INPP4B: variants seen among roughly 807,000 people sequenced by gnomAD.
The protein encoded by INPP4B is inositol polyphosphate-4-phosphatase type II B.
In INPP4B, 55 loss-of-function variants were observed where a neutral mutation model predicts 122.5. The observed-to-expected ratio is 0.45, with a 90% CI of 0.36 to 0.56. INPP4B has a LOEUF of 0.56. Among genes scored for constraint, INPP4B ranks in the 20% least tolerant of loss-of-function variants. The pLI, the probability that INPP4B is intolerant of heterozygous loss-of-function variation, is 0.00. For missense variants in INPP4B, 1,000 were observed against 1,097.7 expected (o/e 0.91, Z 1.26); for synonymous variants, 403 against 388.7 (o/e 1.04, Z -0.43).
At chr4:142,062,727 C>T (rs1478999423) in intron 25 of INPP4B, among the ~76,000 whole-genome samples, 2 of 149,174 alleles carry the variant, frequency 1.3e-5, no homozygotes, top group Non-Finnish European at 3.0e-5. Flanking sequence ...CACAGCAAGA[C>T]TCCGTCCCCC....
chr4:142,291,353 G>A (rs1297084298), intron 9 of INPP4B, among the ~76,000 whole-genome samples: 1 of 152,156 alleles, frequency 6.6e-6, no homozygotes, highest in Non-Finnish European at 1.5e-5. Context: ...CTGAAGTGAT[G>A]TGTCTAACTA....
At chr4:142,065,228 G>A (rs879337603) in intron 25 of INPP4B, among the ~76,000 whole-genome samples, 5 of 84,522 alleles carry the variant, frequency 5.9e-5, no homozygotes, top group Non-Finnish European at 9.7e-5. Flanking sequence ...AGTTAAGAAT[G>A]AGGCCAACAC....
intron 2 of INPP4B, among the ~76,000 whole-genome samples, chr4:142,484,899 C>T (rs967832354): frequency 6.6e-6 from 1 of 151,940 alleles, no homozygotes; most frequent in Non-Finnish European, 1.5e-5. Context: ...AAATAGGGGT[C>T]CTGTATTTCG....
intron 2 of INPP4B, among the ~76,000 whole-genome samples, chr4:142,542,115 A>G (rs1471276101): frequency 6.6e-6 from 1 of 152,200 alleles, no homozygotes; most frequent in African/African-American, 2.4e-5. Flanking sequence ...TCCCATGACC[A>G]TGGCTGTCCC....
intron 1 of INPP4B, among the ~76,000 whole-genome samples, chr4:142,748,761 A>G (rs1769178540): frequency 6.6e-6 from 1 of 152,184 alleles, no homozygotes; most frequent in South Asian, 2.1e-4. Flanking sequence ...GAAGGCAGAA[A>G]GAGGAAAAAC....
At chr4:142,821,705 A>G (rs1292438624) in intron 1 of INPP4B, among the ~76,000 whole-genome samples, 1 of 152,178 alleles carries the variant, frequency 6.6e-6, no homozygotes. Flanking sequence ...TTAAACATAA[A>G]TTGAATATAA....
chr4:142,591,655 T>A (rs1039810130), intron 2 of INPP4B, among the ~76,000 whole-genome samples: 3 of 151,734 alleles, frequency 2.0e-5, no homozygotes, highest in African/African-American at 7.3e-5. Context: ...ACATGGGAGG[T>A]CCTGACAAAC....
chr4:142,290,690 T>G (rs997501534), intron 9 of INPP4B, among the ~76,000 whole-genome samples: 6 of 152,182 alleles, frequency 3.9e-5, no homozygotes, highest in Non-Finnish European at 4.4e-5. Context: ...TACATGGTTA[T>G]TTTCTCCTTT....
chr4:142,061,914 ATATATATATATATATATATATATAT>A (rs1429184248), intron 25 of INPP4B, among the ~76,000 whole-genome samples: 4 of 6,370 alleles, frequency 6.3e-4, no homozygotes, highest in African/African-American at 1.2e-3. Flanking sequence ...ATATATATAT[ATATATATATATATATATATATATAT>A]ATCTGTAACT....
intron 3 of INPP4B, among the ~76,000 whole-genome samples, chr4:142,449,835 G>A (rs1437481806): frequency 6.6e-6 from 1 of 152,158 alleles, no homozygotes; most frequent in Non-Finnish European, 1.5e-5. Context: ...AGGGAATTCT[G>A]CCAGATAAAA....
At chr4:142,572,059 C>T (rs995729492) in intron 2 of INPP4B, among the ~76,000 whole-genome samples, 2 of 152,038 alleles carry the variant, frequency 1.3e-5, no homozygotes, top group Admixed American at 6.6e-5. Context: ...GCTAAAGATT[C>T]ATTTCTTGGA....
intron 7 of INPP4B, among the ~76,000 whole-genome samples, chr4:142,320,496 C>T (rs1159388332): frequency 6.6e-6 from 1 of 151,964 alleles, no homozygotes; most frequent in Non-Finnish European, 1.5e-5. Flanking sequence ...AATTTAGATC[C>T]TCCGTTCTTT....
At chr4:142,535,552 A>C (rs1828087951) in intron 2 of INPP4B, among the ~76,000 whole-genome samples, 1 of 152,166 alleles carries the variant, frequency 6.6e-6, no homozygotes, top group African/African-American at 2.4e-5. Context: ...AAGAACACTA[A>C]TTGAGCTATA....
chr4:142,693,818 C>A (rs1418445778), intron 2 of INPP4B, among the ~76,000 whole-genome samples: 4 of 151,932 alleles, frequency 2.6e-5, no homozygotes, highest in Non-Finnish European at 5.9e-5. Context: ...TTTAAGGTTG[C>A]CTAGCTAACA....
intron 2 of INPP4B, among the ~76,000 whole-genome samples, chr4:142,640,041 A>G (rs995885836): frequency 6.6e-5 from 10 of 152,130 alleles, no homozygotes; most frequent in Non-Finnish European, 1.3e-4. Flanking sequence ...AATAGTGAAA[A>G]GGTGAAAAAC....
intron 4 of INPP4B, among the ~76,000 whole-genome samples, chr4:142,429,570 C>A (rs1457266992): frequency 1.3e-5 from 2 of 152,024 alleles, no homozygotes; most frequent in Admixed American, 6.6e-5. Context: ...AACCCCCTTA[C>A]CAAAATACTC....
intron 2 of INPP4B, among the ~76,000 whole-genome samples, chr4:142,652,750 A>G (rs999796818): frequency 5.9e-5 from 9 of 152,192 alleles, no homozygotes; most frequent in Non-Finnish European, 8.8e-5. Flanking sequence ...ATGCTCATGG[A>G]TAGAAAGAAT....
At chr4:142,155,137 G>T (rs997053434) in intron 17 of INPP4B, among the ~76,000 whole-genome samples, 3 of 151,904 alleles carry the variant, frequency 2.0e-5, no homozygotes, top group Non-Finnish European at 4.4e-5. Context: ...AAGCTATAAG[G>T]TGTTGCTTTG....
intron 12 of INPP4B, among the ~76,000 whole-genome samples, chr4:142,226,683 C>T (rs1486559452): frequency 1.3e-5 from 2 of 152,016 alleles, no homozygotes; most frequent in East Asian, 3.9e-4. Context: ...GACAGAAAAA[C>T]CATTAGTAGA....
Sources: allele counts gnomAD v4.1 joint callset (sites outside exome capture counted in the v4.1 genomes callset), GRCh38; gene constraint gnomAD v4.1.1; transcripts MANE v1.5; gene names NCBI Gene and HGNC (gene_info 2026-07-23, HGNC 2026-07-21).